The following CPNE4 variants were observed in gnomAD, a reference collection of about 807,000 sequenced individuals.
CPNE4 encodes copine-4.
CPNE4 carries 25 observed loss-of-function variants against 67.9 expected under a neutral mutation model. That is an observed-to-expected ratio of 0.37 (90% CI 0.27 to 0.51). The LOEUF (loss-of-function observed/expected upper bound fraction) is 0.51, where lower values mean the gene tolerates loss of function less well. Among genes scored for constraint, CPNE4 ranks in the 20% least tolerant of loss-of-function variants. The pLI, the probability that CPNE4 is intolerant of heterozygous loss-of-function variation, is 0.93. For synonymous variants in CPNE4, 242 were observed against 244.9 expected (o/e 0.99, Z 0.11); for missense variants, 464 against 690.8 (o/e 0.67, Z 3.68).
At chr3:131,679,160 G>A (rs2080665799) in intron 6 of CPNE4, among the ~76,000 whole-genome samples, 1 of 152,068 alleles carries the variant, frequency 6.6e-6, no homozygotes, top group African/African-American at 2.4e-5. Context: ...TCTTGAGAGA[G>A]TGTATCTATC....
intron 3 of CPNE4, among the ~76,000 whole-genome samples, chr3:131,709,637 C>T (rs2081509832): frequency 6.6e-6 from 1 of 152,224 alleles, no homozygotes; most frequent in African/African-American, 2.4e-5. Flanking sequence ...CTCAGTTTAA[C>T]TCATGCCTCC....
At chr3:131,593,787 C>A (rs1446670045) in intron 7 of CPNE4, among the ~76,000 whole-genome samples, 2 of 152,292 alleles carry the variant, frequency 1.3e-5, no homozygotes, top group East Asian at 3.9e-4. Context: ...TCTCGGCTCA[C>A]TGCAACCTCT....
chr3:131,615,949 A>G, intron 7 of CPNE4, among the ~76,000 whole-genome samples: 1 of 141,182 alleles, frequency 7.1e-6, no homozygotes, highest in Admixed American at 6.8e-5. Context: ...ACACACACAC[A>G]CAAAAGAACA....
intron 2 of CPNE4, among the ~76,000 whole-genome samples, chr3:131,877,241 C>T (rs895138300): frequency 6.6e-6 from 1 of 152,150 alleles, no homozygotes; most frequent in Non-Finnish European, 1.5e-5. Context: ...GCCTTCTGCC[C>T]GTTACAATTT....
upstream of CPNE4, chr3:132,037,622 CT>C: frequency 2.0e-6 from 3 of 1,535,884 alleles, no homozygotes; most frequent in Non-Finnish European, 2.6e-6. Context: ...TCAAATTTAT[CT>C]AAAGCCAAGC....
intron 2 of CPNE4, among the ~76,000 whole-genome samples, chr3:131,881,775 G>A: frequency 6.6e-6 from 1 of 152,066 alleles, no homozygotes; most frequent in East Asian, 1.9e-4. Flanking sequence ...AAAACAATTG[G>A]AGCTTCTATT....
chr3:131,656,989 A>G (rs1328207788), intron 7 of CPNE4, among the ~76,000 whole-genome samples: 1 of 152,210 alleles, frequency 6.6e-6, no homozygotes, highest in Non-Finnish European at 1.5e-5. Flanking sequence ...AATTATCCAC[A>G]ACCTGAAAAC....
At chr3:131,617,718 C>T (rs1940241086) in intron 7 of CPNE4, among the ~76,000 whole-genome samples, 1 of 152,146 alleles carries the variant, frequency 6.6e-6, no homozygotes, top group African/African-American at 2.4e-5. Context: ...TAGGAATTCT[C>T]CTCAAATTAA....
intron 5 of CPNE4, among the ~76,000 whole-genome samples, chr3:131,687,752 T>C (rs1304984194): frequency 6.6e-6 from 1 of 152,216 alleles, no homozygotes; most frequent in African/African-American, 2.4e-5. Flanking sequence ...TAAGGACAGA[T>C]AGAACCTGAT....
chr3:131,958,727 TG>T (rs1370845332), intron 1 of CPNE4, among the ~76,000 whole-genome samples: 2 of 148,586 alleles, frequency 1.3e-5, no homozygotes, highest in African/African-American at 5.0e-5. Flanking sequence ...CAGGCGATCT[TG>T]GCTCACGGCA....
At chr3:131,802,453 G>T (rs1358356889) in intron 2 of CPNE4, among the ~76,000 whole-genome samples, 3 of 152,146 alleles carry the variant, frequency 2.0e-5, no homozygotes, top group South Asian at 4.1e-4. Flanking sequence ...CTTCTGGTTT[G>T]CACAGAAGAA....
At chr3:131,790,103 C>T (rs2083677358) in intron 2 of CPNE4, among the ~76,000 whole-genome samples, 1 of 152,158 alleles carries the variant, frequency 6.6e-6, no homozygotes, top group African/African-American at 2.4e-5. Context: ...TTCTACCTAT[C>T]CATTTCAGGC....
intron 2 of CPNE4, among the ~76,000 whole-genome samples, chr3:131,735,004 C>T (rs2082203818): frequency 6.6e-6 from 1 of 152,148 alleles, no homozygotes; most frequent in Non-Finnish European, 1.5e-5. Context: ...CTCACCACAC[C>T]AAACTGCTTA....
chr3:131,847,570 T>C (rs1294287148), intron 2 of CPNE4, among the ~76,000 whole-genome samples: 2 of 152,106 alleles, frequency 1.3e-5, no homozygotes, highest in African/African-American at 4.8e-5. Context: ...TAATTAGGTA[T>C]TAAAAATGCC....
intron 2 of CPNE4, among the ~76,000 whole-genome samples, chr3:131,744,159 T>C (rs1371040159): frequency 6.6e-6 from 1 of 151,852 alleles, no homozygotes; most frequent in East Asian, 1.9e-4. Context: ...TATGATTGCA[T>C]ATTTATAAAG....
intron 2 of CPNE4, among the ~76,000 whole-genome samples, chr3:131,791,539 A>C (rs2083718718): frequency 6.6e-6 from 1 of 152,184 alleles, no homozygotes; most frequent in Non-Finnish European, 1.5e-5. Flanking sequence ...TCAGTAAACC[A>C]CAGGGTTTAC....
intron 1 of CPNE4, among the ~76,000 whole-genome samples, chr3:131,985,023 C>T (rs558251438): frequency 2.6e-5 from 4 of 152,320 alleles, no homozygotes; most frequent in Non-Finnish European, 4.4e-5. Context: ...GACTTATAAA[C>T]AACAGAAATT....
chr3:131,870,259 A>G (rs1226797798), intron 2 of CPNE4, among the ~76,000 whole-genome samples: 1 of 152,208 alleles, frequency 6.6e-6, no homozygotes, highest in Non-Finnish European at 1.5e-5. Flanking sequence ...TCAGTTATGA[A>G]ATATTCACTC....
At chr3:131,917,266 C>A (rs2070582814) in intron 1 of CPNE4, among the ~76,000 whole-genome samples, 1 of 152,114 alleles carries the variant, frequency 6.6e-6, no homozygotes, top group African/African-American at 2.4e-5. Flanking sequence ...ATGACATAAG[C>A]TTTGTGGTAA....
Sources: allele counts gnomAD v4.1 joint callset (sites outside exome capture counted in the v4.1 genomes callset), GRCh38; gene constraint gnomAD v4.1.1; transcripts MANE v1.5; gene names NCBI Gene and HGNC (gene_info 2026-07-23, HGNC 2026-07-21).